SAMM50: variants seen among roughly 807,000 people sequenced by gnomAD.
The protein encoded by SAMM50 is sorting and assembly machinery component 50 homolog.
SAMM50 carries 47 observed loss-of-function variants against 66.9 expected under a neutral mutation model. The ratio of observed to expected loss-of-function variants is 0.70; its 90% CI spans 0.56 to 0.90. The LOEUF (loss-of-function observed/expected upper bound fraction) is 0.90. Ranked by LOEUF, SAMM50 falls within the 40% of genes least tolerant of loss-of-function variation. SAMM50 has a pLI of 0.00. For missense variants in SAMM50, 535 were observed against 595.3 expected (o/e 0.90, Z 1.05); for synonymous variants, 191 against 214.1 (o/e 0.89, Z 0.94).
chr22:43,969,449 C>T (rs1338216518), intron 4 of SAMM50, among the ~76,000 whole-genome samples: 6 of 152,078 alleles, frequency 3.9e-5, no homozygotes, highest in Admixed American at 6.6e-5. Context: ...TGATGGGCTT[C>T]GGTCATAGCA....
In SAMM50 at chr22:43,990,391, TACAG is replaced by T; in HGVS notation, c.1354_1357del (p.Thr452AlafsTer14). 6.2e-7 allele frequency: 1 copy of T among 1,613,980 alleles called. No homozygotes were observed. Among genetic ancestry groups the T allele is most frequent in the Non-Finnish European group, 8.5e-7 (1 of 1,179,976 alleles). ...CTTAATTACTGCGTCCCCATGGGAG[TACAG>T]ACAGGCGACAGGTACGTGTTGGGAA... On this transcript the variant is annotated frameshift_variant, in exon 14 of 15. Coordinates refer to ENST00000350028, the MANE Select transcript of SAMM50 (RefSeq NM_015380.5). LOFTEE classifies it high-confidence loss of function.
chr22:43,966,808 A>ATTTTTTTTTTTTTTT (rs59436064), intron 3 of SAMM50, among the ~76,000 whole-genome samples: 1 of 149,802 alleles, frequency 6.7e-6, no homozygotes. Context: ...GAGATCCAGC[A>ATTTTTTTTTTTTTTT]TTTTTTTTTT....
chr22:43,980,750 C>A (rs537379199), intron 10 of SAMM50, among the ~76,000 whole-genome samples: 1 of 152,328 alleles, frequency 6.6e-6, no homozygotes, highest in South Asian at 2.1e-4. Context: ...AGGCAGAGAA[C>A]GTGTGAGGCT....
chr22:43,971,273 G>A (rs985745518), intron 4 of SAMM50, among the ~76,000 whole-genome samples: 2 of 152,202 alleles, frequency 1.3e-5, no homozygotes, highest in Non-Finnish European at 2.9e-5. Context: ...GCCCAGATGC[G>A]TCTAGATGTC....
At position 43,990,147 on chromosome 22, in the gene SAMM50, C is replaced by T. The variant is rs2050315437; in HGVS notation, c.1223-118C>T. On this transcript the variant is annotated intron_variant, in intron 13 of 14. Transcript: ENST00000350028. The stretch of plus-strand genomic sequence containing the variant: ...TCATGCATCCTCCCTAATCTCTAGG[C>T]CTGGCTTTAAAAACAACTGCAGGGC... 11 of 1,180,716 alleles carry T rather than the reference C, an allele frequency of 9.3e-6. No individual in the cohort carries two copies. The South Asian group carries it at 1.3e-4, about 14-fold the overall frequency. 73.1% of individuals were successfully genotyped at this position (1,180,716 alleles called of 1,614,324 possible).
At chr22:43,989,891 C>T (rs1221471903) in intron 13 of SAMM50, among the ~76,000 whole-genome samples, 1 of 152,134 alleles carries the variant, frequency 6.6e-6, no homozygotes, top group African/African-American at 2.4e-5. Flanking sequence ...GAAGAGACTC[C>T]CAGCAGATGC....
intron 10 of SAMM50, among the ~76,000 whole-genome samples, chr22:43,980,164 T>TCCATC (rs2050257289): frequency 3.0e-3 from 11 of 3,610 alleles, no homozygotes; most frequent in Admixed American, 4.3e-3. Flanking sequence ...ATCCATCCAT[T>TCCATC]CACCCACCCA....
chr22:43,968,766 G>T lies in SAMM50; in HGVS notation c.270G>T (p.Leu90Phe). ...MRKSHEAREKLLRLGIFRQVD... is the reference protein window; with the variant it reads ...MRKSHEAREKFLRLGIFRQVD... ...AATCTCATGAAGCCCGTGAAAAATT[G>T]CTCCGTCTTGGAATTTTTAGACAAG... The change falls in exon 4 of 15, where the codon TTG (leucine) becomes TTT (phenylalanine). Residue 90 changes from leucine (L) to phenylalanine (F), a missense_variant. Leu to Phe is a conservative substitution (Grantham distance 22). Coordinates refer to ENST00000350028, the MANE Select transcript of SAMM50 (RefSeq NM_015380.5). 1 of 1,613,400 alleles carries T rather than the reference G, an allele frequency of 6.2e-7. No homozygotes were observed.
intron 14 of SAMM50, chr22:43,995,440 C>T (rs909115154): frequency 4.6e-5 from 7 of 152,232 alleles, no homozygotes; most frequent in Non-Finnish European, 8.8e-5. Context: ...GTTCCCTGGC[C>T]CCGGCTGCGG....
At chr22:43,959,669 A>G (rs2050138705) in intron 1 of SAMM50, among the ~76,000 whole-genome samples, 2 of 152,108 alleles carry the variant, frequency 1.3e-5, no homozygotes, top group South Asian at 2.1e-4. Flanking sequence ...TACTGTGCCT[A>G]GCCCAAATAT....
intron 1 of SAMM50, 190 bp from the exon 2 acceptor site, chr22:43,963,096 C>T (rs2050155447): frequency 2.4e-6 from 1 of 416,198 alleles, no homozygotes; most frequent in Non-Finnish European, 4.3e-6. Context: ...AACCACCAAG[C>T]CAAGAACTTG....
intron 14 of SAMM50, among the ~76,000 whole-genome samples, chr22:43,994,412 T>C (rs1050835097): frequency 6.6e-6 from 1 of 152,140 alleles, no homozygotes; most frequent in African/African-American, 2.4e-5. Flanking sequence ...TGACTACAAC[T>C]GCACCTGGTG....
intron 6 of SAMM50, 77 bp downstream of exon 6, chr22:43,973,078 C>T (rs2050212267): frequency 3.3e-6 from 5 of 1,536,418 alleles, no homozygotes; most frequent in Non-Finnish European, 4.4e-6. Flanking sequence ...GTGAAAAGAA[C>T]CATGACAGAA....
At chr22:43,982,256 G>A (rs866213802) in intron 11 of SAMM50, among the ~76,000 whole-genome samples, 2 of 152,166 alleles carry the variant, frequency 1.3e-5, no homozygotes, top group Non-Finnish European at 1.5e-5. Context: ...ACTTTTCTAA[G>A]TGTGTAAAGA....
intron 14 of SAMM50, among the ~76,000 whole-genome samples, chr22:43,993,304 C>A (rs957668890): frequency 6.6e-6 from 1 of 152,328 alleles, no homozygotes; most frequent in East Asian, 1.9e-4. Context: ...GGGCAGCCCA[C>A]GCTGCCATCA....
Position 43,984,047 on chromosome 22 carries a change from C to T in SAMM50, c.1075+47C>T, listed in dbSNP as rs770511635. On this transcript the variant is annotated intron_variant, in intron 12 of 14. Coordinates refer to ENST00000350028, the MANE Select transcript of SAMM50 (RefSeq NM_015380.5). ...CGCCAAGTCTAGAAGGCTCGCGTCTCACTTTGGAAACCATGTACCTGTTAT... is the reference window on the plus strand; with the variant it reads ...CGCCAAGTCTAGAAGGCTCGCGTCTTACTTTGGAAACCATGTACCTGTTAT... The T allele has an allele frequency of 1.2e-5, 19 of 1,538,308 alleles. No homozygotes were observed. The Admixed American group carries it at 1.3e-4, about 10-fold the overall frequency.
At chr22:43,988,782 C>T (rs2146826960) in intron 12 of SAMM50, 1 of 201,802 alleles carries the variant, frequency 5.0e-6, no homozygotes, top group Non-Finnish European at 9.9e-6. Context: ...TGGTCATCTA[C>T]ATTTGTGGAT....
At chr22:43,991,250 A>G (rs1304911228) in intron 14 of SAMM50, among the ~76,000 whole-genome samples, 2 of 149,140 alleles carry the variant, frequency 1.3e-5, no homozygotes, top group East Asian at 2.0e-4. Flanking sequence ...TGCTGGGATT[A>G]TAGGCATGAG....
At chr22:43,973,109 G>A in intron 6 of SAMM50, 108 bp downstream of exon 6, 2 of 1,421,884 alleles carry the variant, frequency 1.4e-6, no homozygotes, top group South Asian at 2.5e-5. Flanking sequence ...CTTCTGCAGT[G>A]ACCACATGCT....
Sources: allele counts gnomAD v4.1 joint callset (sites outside exome capture counted in the v4.1 genomes callset), GRCh38; gene constraint gnomAD v4.1.1; transcripts MANE v1.5; gene names NCBI Gene and HGNC (gene_info 2026-07-23, HGNC 2026-07-21).